The following DCX variants were observed in gnomAD, a reference collection of about 807,000 sequenced individuals.
DCX encodes the protein neuronal migration protein doublecortin.
A neutral mutation model predicts 20.9 loss-of-function variants in DCX; 4 were observed. The ratio of observed to expected loss-of-function variants is 0.19; its 90% CI spans 0.09 to 0.44. DCX has a LOEUF of 0.44. Among genes scored for constraint, DCX ranks in the 20% least tolerant of loss-of-function variants. The pLI, the probability that DCX is intolerant of heterozygous loss-of-function variation, is 0.99. For synonymous variants in DCX, 103 were observed against 111.4 expected (o/e 0.92, Z 0.47); for missense variants, 133 against 296.9 (o/e 0.45, Z 4.06).
intron 3 of DCX, among the ~76,000 whole-genome samples, chrX:111,339,205 C>T (rs147380598): frequency 1.3e-3 from 144 of 111,571 alleles, no homozygotes; most frequent in African/African-American, 4.5e-3. Context: ...TGATCATATC[C>T]AGTTCCAAGG....
At chrX:111,343,191 A>C (rs1285391671) in intron 3 of DCX, among the ~76,000 whole-genome samples, 4 of 108,876 alleles carry the variant, frequency 3.7e-5, no homozygotes, top group Non-Finnish European at 5.7e-5. Flanking sequence ...CCTAATAAAA[A>C]GAAAAGAGAG....
chrX:111,323,300 G>A (rs2095091093), intron 5 of DCX, among the ~76,000 whole-genome samples: 1 of 112,002 alleles, frequency 8.9e-6, no homozygotes, highest in Non-Finnish European at 1.9e-5. Flanking sequence ...TTCCCCATCT[G>A]TAATATTTGA....
intron 3 of DCX, among the ~76,000 whole-genome samples, chrX:111,365,380 A>G (rs1025481400): frequency 1.8e-5 from 2 of 110,298 alleles, no homozygotes; most frequent in Non-Finnish European, 3.8e-5. Context: ...AGGTGTATAT[A>G]TTTATGGGGT....
chrX:111,390,492 G>A (rs748650337), intron 3 of DCX, among the ~76,000 whole-genome samples: 2 of 111,895 alleles, frequency 1.8e-5, no homozygotes, highest in East Asian at 5.6e-4. Context: ...TAATCACTAA[G>A]TTCTCCAGTT....
chrX:111,404,944 C>T (rs1189112363), intron 2 of DCX, among the ~76,000 whole-genome samples: 1 of 112,114 alleles, frequency 8.9e-6, no homozygotes. Context: ...TCCCATCCTG[C>T]CACAGCTTCC....
chrX:111,397,831 A>G (rs1477435622), intron 3 of DCX, among the ~76,000 whole-genome samples: 5 of 110,546 alleles, frequency 4.5e-5, no homozygotes, highest in African/African-American at 1.6e-4. Flanking sequence ...ATATACATAC[A>G]TATACATATA....
chrX:111,353,249 G>C (rs1255038784), intron 3 of DCX, among the ~76,000 whole-genome samples: 1 of 112,035 alleles, frequency 8.9e-6, no homozygotes, highest in Non-Finnish European at 1.9e-5. Flanking sequence ...GTCACACAAT[G>C]CTGTGTGATC....
chrX:111,340,587 G>T (rs1003095236), intron 3 of DCX, among the ~76,000 whole-genome samples: 2 of 111,459 alleles, frequency 1.8e-5, no homozygotes, highest in Non-Finnish European at 3.8e-5. Context: ...TTCAACAGGG[G>T]TTGTCAGACA....
At chrX:111,344,279 A>G (rs1337994965) in intron 3 of DCX, among the ~76,000 whole-genome samples, 2 of 111,977 alleles carry the variant, frequency 1.8e-5, no homozygotes, top group Admixed American at 9.5e-5. Flanking sequence ...CACAGCCAAT[A>G]TCAAATTAAA....
chrX:111,388,783 A>G (rs1432683283), intron 3 of DCX, among the ~76,000 whole-genome samples: 1 of 112,254 alleles, frequency 8.9e-6, no homozygotes, highest in African/African-American at 3.2e-5. Flanking sequence ...AACTATGATG[A>G]AGGCTTTGAG....
intron 3 of DCX, among the ~76,000 whole-genome samples, chrX:111,397,783 ATGTGTGTGTGTATATCTACATATATG>A (rs1469766935): frequency 5.5e-5 from 5 of 90,679 alleles, no homozygotes; most frequent in Admixed American, 1.4e-4. Context: ...ATCTACATAT[ATGTGTGTGTGTATATCTACATATATG>A]TGTGTGTGTA....
At chrX:111,407,715 A>T (rs1266453761) in intron 2 of DCX, among the ~76,000 whole-genome samples, 1 of 110,250 alleles carries the variant, frequency 9.1e-6, no homozygotes, top group African/African-American at 3.3e-5. Context: ...TCAAGGGAAT[A>T]GAAAGCTGCA....
chrX:111,369,987 G>A (rs746268488), intron 3 of DCX, among the ~76,000 whole-genome samples: 2 of 111,639 alleles, frequency 1.8e-5, no homozygotes, highest in South Asian at 7.6e-4. Context: ...AGGTATCAGG[G>A]ATGTGAAAAT....
chrX:111,388,439 C>A (rs1168260874), intron 3 of DCX, among the ~76,000 whole-genome samples: 1 of 111,661 alleles, frequency 9.0e-6, no homozygotes, highest in Non-Finnish European at 1.9e-5. Context: ...TTTCAAGATT[C>A]TCTAATTAAA....
rs752919312 is a variant in DCX, at chrX:111,295,306, T to C, written c.*6381A>G. On this transcript the variant is annotated 3_prime_UTR_variant, in exon 7 of 7. Coordinates refer to ENST00000636035, the MANE Select transcript of DCX (RefSeq NM_001195553.2). ...GTCCACTAATTTCTCTTATATGGAC[T>C]GTCTATTCAGTATCATGAACAGTTG... 8.9e-6 allele frequency: 1 copy of C among 112,522 alleles called. No individual in the cohort carries two copies. The highest frequency in any genetic ancestry group is 1.9e-5 in the Non-Finnish European group (1 of 53,300). The allele number at this position is 112,522 out of a possible 1,213,427, so 9.3% of individuals were successfully genotyped here.
chrX:111,312,755 A>G lies in DCX; in HGVS notation c.947-19T>C. 2 of 1,198,788 alleles carry G rather than the reference A, an allele frequency of 1.7e-6. No homozygotes were observed. The highest frequency in any genetic ancestry group is 1.1e-6 in the Non-Finnish European group (1 of 883,742). On this transcript the variant is annotated intron_variant, in intron 5 of 6. Coordinates refer to ENST00000636035, the MANE Select transcript of DCX (RefSeq NM_001195553.2). ...CCGTTTGCTAGCCCAAAGCAAGAGAAAAGGAAGGGATAAAAATCAACAGCA... is the reference window on the plus strand; with the variant it reads ...CCGTTTGCTAGCCCAAAGCAAGAGAGAAGGAAGGGATAAAAATCAACAGCA...
intron 5 of DCX, among the ~76,000 whole-genome samples, chrX:111,316,242 T>C (rs986261689): frequency 1.8e-5 from 2 of 110,466 alleles, no homozygotes; most frequent in African/African-American, 6.6e-5. Context: ...GTTGTTGTTT[T>C]TGTTTTTTGA....
At chrX:111,370,503 T>C (rs1924986813) in intron 3 of DCX, among the ~76,000 whole-genome samples, 1 of 111,802 alleles carries the variant, frequency 8.9e-6, no homozygotes, top group Non-Finnish European at 1.9e-5. Context: ...TAGCATGATA[T>C]CTCAACCTTG....
rs191292318 is a variant in DCX, at chrX:111,307,186, T to C, written c.1045-5443A>G. ...ATAAGCTGTTATTTTTTTAAGTACC[T>C]TTGAAAATCCTTTATATTGACAATT... On this transcript the variant is annotated intron_variant, in intron 6 of 6. Transcript: ENST00000636035. 3.0e-3 allele frequency among the ~76,000 whole-genome samples: 327 copies of C among 110,235 alleles called. 2 individuals are homozygous for C. The highest frequency in any genetic ancestry group is 0.01 in the African/African-American group (314 of 30,388).
Sources: gnomAD v4.1 joint callset for allele counts (sites outside exome capture counted in the v4.1 genomes callset) on GRCh38, gnomAD v4.1.1 for gene constraint, MANE v1.5 for transcripts, NCBI Gene and HGNC (gene_info 2026-07-23, HGNC 2026-07-21) for gene names.